DYRK3: variants seen among roughly 807,000 people sequenced by gnomAD.
The protein encoded by DYRK3 is dual specificity tyrosine phosphorylation regulated kinase 3.
A neutral mutation model predicts 40.8 loss-of-function variants in DYRK3; 30 were observed. The ratio of observed to expected loss-of-function variants is 0.74; its 90% CI spans 0.55 to 1.00. The LOEUF (loss-of-function observed/expected upper bound fraction) is 1.00, where lower values mean the gene tolerates loss of function less well. Among genes scored for constraint, DYRK3 ranks in the 50% least tolerant of loss-of-function variants. DYRK3 has a pLI of 0.00. For synonymous variants in DYRK3, 272 were observed against 260.7 expected (o/e 1.04, Z -0.42); for missense variants, 699 against 731.5 (o/e 0.96, Z 0.51).
rs556718022 is a variant in DYRK3, at chr1:206,644,031, C to CTT, written c.190-3337_190-3336dup. ...TCAGGAAGGCAACAGGGACCTACAG[C>CTT]TTTTTTTTTTTTTTTTTTTTTGAGA... On this transcript the variant is annotated intron_variant, in intron 2 of 2. Transcript: ENST00000367109. Among the ~76,000 whole-genome samples, 111 of 101,040 alleles carry CTT rather than the reference C, an allele frequency of 1.1e-3. 1 individual carries two copies. Among genetic ancestry groups the CTT allele is most frequent in the African/African-American group, 2.6e-3 (69 of 26,454 alleles). The allele number at this position is 101,040 out of a possible 152,430, so 66.3% of individuals were successfully genotyped here. A position where few individuals can be genotyped will look rare whatever the true frequency, so the allele number is the denominator to read the frequency against.
chr1:206,644,352 G>A (rs1671388881), intron 2 of DYRK3, among the ~76,000 whole-genome samples: 1 of 151,816 alleles, frequency 6.6e-6, no homozygotes, highest in African/African-American at 2.4e-5. Flanking sequence ...CAGCTTTTAA[G>A]TAGTGTAGCC....
chr1:206,642,854 A>G (rs934000011), intron 2 of DYRK3, among the ~76,000 whole-genome samples: 1 of 152,104 alleles, frequency 6.6e-6, no homozygotes, highest in Non-Finnish European at 1.5e-5. Flanking sequence ...TAGCACACCA[A>G]CATGGCACAT....
intron 2 of DYRK3, among the ~76,000 whole-genome samples, chr1:206,644,889 G>A (rs575174573): frequency 2.6e-5 from 4 of 152,282 alleles, no homozygotes; most frequent in African/African-American, 9.6e-5. Flanking sequence ...ACCAGTGATA[G>A]TTTTCTATTT....
At position 206,648,944 on chromosome 1, in the gene DYRK3, A is replaced by T. The variant is rs782370025; in HGVS notation, c.1746A>T (p.Val582=). Residue 582 remains valine, a synonymous_variant, in exon 3 of 3, where the codon GTA becomes GTT. Coordinates refer to ENST00000367109, the MANE Select transcript of DYRK3 (RefSeq NM_003582.4). ...ATGGTAGTATACCCCTATGCAGTGT[A>T]TTGCCAAAACTGATTAGCTAGTGGA... The part of the protein sequence containing the change: ...ETNGSIPLCS[V]LPKLIS The T allele has an allele frequency of 1.4e-5, 22 of 1,612,468 alleles. No homozygotes were observed. Among genetic ancestry groups the T allele is most frequent in the Non-Finnish European group, 1.9e-5 (22 of 1,179,002 alleles).
In DYRK3 at chr1:206,652,386, G is replaced by T. The variant is rs1671654507; in HGVS notation, c.*3421G>T. On this transcript the variant is annotated 3_prime_UTR_variant, in exon 3 of 3. Coordinates refer to ENST00000367109, the MANE Select transcript of DYRK3 (RefSeq NM_003582.4). ...GCCAGTACTGTGCCTGAACTTGGGA[G>T]AGAAAGGGGCCTGTGGCTGAGGTTG... Among the ~76,000 whole-genome samples, 1 of 152,176 alleles carries T rather than the reference G, an allele frequency of 6.6e-6. No individual in the cohort carries two copies. Among genetic ancestry groups the T allele is most frequent in the South Asian group, 2.1e-4 (1 of 4,830 alleles).
Position 206,650,039 on chromosome 1 carries a change from TC to T in DYRK3, c.*1077del, listed in dbSNP as rs1456798220. The stretch of plus-strand genomic sequence containing the variant: ...CCAGAAACTGGTGATAATCAAGTTT[TC>T]CCTTTTTATGTTTCTTAATTTTATT... On this transcript the variant is annotated 3_prime_UTR_variant, in exon 3 of 3. Coordinates refer to ENST00000367109, the MANE Select transcript of DYRK3 (RefSeq NM_003582.4). Among the ~76,000 whole-genome samples, 1 of 152,242 alleles carries T rather than the reference TC, an allele frequency of 6.6e-6. No individual in the cohort carries two copies. The highest frequency in any genetic ancestry group is 1.9e-4 in the East Asian group (1 of 5,202).
chr1:206,653,023 C>T lies in DYRK3; in HGVS notation c.*4058C>T, dbSNP rs1490962025. ...ATTCCCCAAGTCATTTTTTCTTTTT[C>T]TTTATTTTTTCTTTTTGAGACAGAG... On this transcript the variant is annotated 3_prime_UTR_variant, in exon 3 of 3. Transcript: ENST00000367109. 6.6e-6 allele frequency among the ~76,000 whole-genome samples: 1 copy of T among 151,872 alleles called. No individual in the cohort carries two copies. The highest frequency in any genetic ancestry group is 2.4e-5 in the African/African-American group (1 of 41,354).
intron 2 of DYRK3, among the ~76,000 whole-genome samples, chr1:206,638,894 TCC>T: frequency 6.7e-6 from 1 of 149,118 alleles, no homozygotes; most frequent in Non-Finnish European, 1.5e-5. Flanking sequence ...TTTTTTTTTT[TCC>T]TGAGACGCAG....
intron 1 of DYRK3, chr1:206,635,985 C>T (rs1030865750): frequency 3.0e-6 from 4 of 1,349,870 alleles, no homozygotes; most frequent in Admixed American, 3.2e-5. Flanking sequence ...GCGCGGGGGA[C>T]GGGGCTAGAG....
intron 2 of DYRK3, among the ~76,000 whole-genome samples, chr1:206,643,291 AG>A (rs1217728422): frequency 3.9e-5 from 6 of 152,196 alleles, no homozygotes; most frequent in Admixed American, 3.9e-4. Context: ...AGAGAAATTT[AG>A]GCTTACTTTA....
rs1297896545 is a variant in DYRK3, at chr1:206,650,412, C to G, written c.*1447C>G. On this transcript the variant is annotated 3_prime_UTR_variant, in exon 3 of 3. Coordinates refer to ENST00000367109, the MANE Select transcript of DYRK3 (RefSeq NM_003582.4). The stretch of plus-strand genomic sequence containing the variant: ...TGAAACCCTGCCTCTACAAAAAATA[C>G]AAAAATTAGCCAGGCCTAGTGGCAC... Among the ~76,000 whole-genome samples, 1 of 151,942 alleles carries G rather than the reference C, an allele frequency of 6.6e-6. No homozygotes were observed. The highest frequency in any genetic ancestry group is 2.4e-5 in the African/African-American group (1 of 41,374).
intron 2 of DYRK3, among the ~76,000 whole-genome samples, chr1:206,644,012 A>G (rs1671372343): frequency 6.8e-6 from 1 of 146,568 alleles, no homozygotes; most frequent in Non-Finnish European, 1.5e-5. Flanking sequence ...AGGCTCAGGA[A>G]GGCAACAGGG....
At position 206,637,721 on chromosome 1, in the gene DYRK3, T is replaced by G; in HGVS notation, c.149T>G (p.Leu50Arg). 1 of 1,614,096 alleles carries G rather than the reference T, an allele frequency of 6.2e-7. No individual in the cohort carries two copies. The highest frequency in any genetic ancestry group is 1.7e-5 in the Admixed American group (1 of 60,034). Residue 50 changes from leucine (L) to arginine (R), a missense_variant, in exon 2 of 3, where the codon CTC becomes CGC. Coordinates refer to ENST00000367109, the MANE Select transcript of DYRK3 (RefSeq NM_003582.4). ...ETKCPPCSNV[L>R]CNPSEPPPPR... Reference sequence around the variant, plus strand: ...AAATGTCCCCCCTGTTCAAATGTACTCTGCAATCCTTCTGAACCACCTCCA... The same window carrying G: ...AAATGTCCCCCCTGTTCAAATGTACGCTGCAATCCTTCTGAACCACCTCCA...
intron 2 of DYRK3, among the ~76,000 whole-genome samples, chr1:206,638,270 C>CTT (rs55807350): frequency 0.025 from 1,833 of 72,852 alleles, 53 homozygotes; most frequent in East Asian, 0.044. Flanking sequence ...AGACACTTAG[C>CTT]TTTTTTTTTT....
In DYRK3 at chr1:206,651,574, A is replaced by G. The variant is rs1671633607; in HGVS notation, c.*2609A>G. On this transcript the variant is annotated 3_prime_UTR_variant, in exon 3 of 3. Transcript: ENST00000367109. Reference sequence around the variant, plus strand: ...ACTCAAATCTACTCTTTCAGTAGATATGAGCTTACATTGACTTATGAATGG... The same window carrying G: ...ACTCAAATCTACTCTTTCAGTAGATGTGAGCTTACATTGACTTATGAATGG... Among the ~76,000 whole-genome samples the G allele has an allele frequency of 6.6e-6, 1 of 152,248 alleles. No individual in the cohort carries two copies. Among genetic ancestry groups the G allele is most frequent in the Non-Finnish European group, 1.5e-5 (1 of 68,046 alleles).
At position 206,637,692 on chromosome 1, in the gene DYRK3, A is replaced by G. The variant is rs1223675526; in HGVS notation, c.120A>G (p.Glu40=). 6.2e-7 allele frequency: 1 copy of G among 1,614,074 alleles called. No homozygotes were observed. The highest frequency in any genetic ancestry group is 1.3e-5 in the African/African-American group (1 of 75,044). Residue 40 remains glutamate, a synonymous_variant, in exon 2 of 3, where the codon GAA becomes GAG. Transcript: ENST00000367109. ...ATGACACCTTCATGATGATAGATGA[A>G]ACCAAATGTCCCCCCTGTTCAAATG... ...GVYDTFMMID[E]TKCPPCSNVL... is the part of the protein sequence containing the mutation.
chr1:206,636,302 T>G (rs1232128340), intron 1 of DYRK3: 2 of 205,498 alleles, frequency 9.7e-6, no homozygotes, highest in Non-Finnish European at 2.1e-5. Context: ...ATTTTACACC[T>G]AAATGGAGAG....
chr1:206,644,323 C>T (rs1181402498), intron 2 of DYRK3, among the ~76,000 whole-genome samples: 1 of 152,006 alleles, frequency 6.6e-6, no homozygotes, highest in Non-Finnish European at 1.5e-5. Context: ...GCGTGAGCCA[C>T]CACACCTGGC....
At chr1:206,642,197 A>G (rs1572444625) in intron 2 of DYRK3, among the ~76,000 whole-genome samples, 1 of 150,760 alleles carries the variant, frequency 6.6e-6, no homozygotes. Context: ...ATCACTGGCC[A>G]TCAGAGAAAT....
Sources: allele counts gnomAD v4.1 joint callset (sites outside exome capture counted in the v4.1 genomes callset), GRCh38; gene constraint gnomAD v4.1.1; transcripts MANE v1.5; gene names NCBI Gene and HGNC (gene_info 2026-07-23, HGNC 2026-07-21).